Variants in PRSS23 observed in about 807,000 individuals in gnomAD.
PRSS23 encodes protease, serine 23.
Under a neutral mutation model 34.7 loss-of-function variants are expected in PRSS23, and 25 were observed. The observed-to-expected ratio is 0.72, with a 90% CI of 0.53 to 1.01. PRSS23 has a LOEUF of 1.01. PRSS23 is among the 50% of genes least tolerant of loss of function. The probability of loss-of-function intolerance (pLI) is 0.00; values close to 1 mark genes in which losing one functional copy is unlikely to be tolerated. For missense variants in PRSS23, 445 were observed against 475.6 expected (o/e 0.94, Z 0.60); for synonymous variants, 176 against 186.6 (o/e 0.94, Z 0.46).
rs77630728 is a variant in PRSS23 at position 86,829,113 on chromosome 11, C to T, written c.206+5520C>T. Among the ~76,000 whole-genome samples the T allele has an allele frequency of 1.2e-4, 18 of 152,310 alleles. 1 individual carries two copies. The highest frequency in any genetic ancestry group is 3.1e-4 in the African/African-American group (13 of 41,556). On this transcript the variant is annotated intron_variant, in intron 2 of 2. Transcript: ENST00000533902. ...TTTTCCAACTTGGTTCCATTCTCCC[C>T]GTCACTTTCAGGTACACCAGTCAGA...
In PRSS23 at chr11:86,807,741, C is replaced by A; in HGVS notation, c.98C>A (p.Pro33His). Residue 33 changes from proline to histidine, a missense_variant, in exon 2 of 2, where the codon CCT becomes CAT. By Grantham distance (77) the Pro-to-His change is moderately conservative (BLOSUM62 -2). Coordinates refer to ENST00000280258, the MANE Select transcript of PRSS23 (RefSeq NM_007173.6). ...PYSAPWKPTW[P>H]AYRLPVVLPQ... is the part of the protein sequence containing the mutation. ...AGTGCCCCCTGGAAACCCACTTGGCCTGCATACCGCCTCCCTGTCGTCTTG... is the reference window on the plus strand; with the variant it reads ...AGTGCCCCCTGGAAACCCACTTGGCATGCATACCGCCTCCCTGTCGTCTTG... The A allele has an allele frequency of 6.2e-7, 1 of 1,614,128 alleles. No homozygotes were observed.
At chr11:86,815,152 G>A (rs1056294499), downstream of PRSS23, among the ~76,000 whole-genome samples, 11 of 152,178 alleles carry the variant, frequency 7.2e-5, no homozygotes, top group South Asian at 2.1e-4. Flanking sequence ...AGCAGCAGCC[G>A]TGGGAACAGC....
chr11:86,951,848 G>A, exon 3 of PRSS23: 1 of 1,613,562 alleles, frequency 6.2e-7, no homozygotes, highest in Non-Finnish European at 8.5e-7. Context: ...GAAAATTATT[G>A]CACATCCTGT....
chr11:86,836,775 T>G (rs945357187), intron 2 of PRSS23: 3 of 152,208 alleles, frequency 2.0e-5, no homozygotes, highest in African/African-American at 7.2e-5. Flanking sequence ...CAGGGCTCTG[T>G]GAGGGTGATG....
chr11:86,868,012 C>T (rs536507052), intron 2 of PRSS23, among the ~76,000 whole-genome samples: 1 of 152,218 alleles, frequency 6.6e-6, no homozygotes, highest in East Asian at 1.9e-4. Flanking sequence ...CCTCAGGGAC[C>T]CCACTACAGC....
intron 2 of PRSS23, among the ~76,000 whole-genome samples, chr11:86,855,912 CA>C (rs1359227021): frequency 2.0e-5 from 3 of 152,188 alleles, no homozygotes; most frequent in African/African-American, 7.2e-5. Flanking sequence ...ATTTCTGCTG[CA>C]GTGGAGAGGA....
chr11:86,889,438 C>A (rs1230210583), intron 2 of PRSS23, among the ~76,000 whole-genome samples: 1 of 152,178 alleles, frequency 6.6e-6, no homozygotes, highest in Non-Finnish European at 1.5e-5. Context: ...TGGTGTCTTG[C>A]AAGAATGTGG....
chr11:86,879,461 C>T (rs1381643139), intron 2 of PRSS23, among the ~76,000 whole-genome samples: 10 of 147,478 alleles, frequency 6.8e-5, no homozygotes, highest in Non-Finnish European at 1.4e-4. Flanking sequence ...TGGGGGTCAG[C>T]CCCCGCCAGG....
chr11:86,808,621 G>C lies in PRSS23; in HGVS notation c.978G>C (p.Lys326Asn), dbSNP rs779750713. 6 of 1,614,208 alleles carry C rather than the reference G, an allele frequency of 3.7e-6. No individual in the cohort carries two copies. The South Asian group carries it at 5.5e-5, about 15-fold the overall frequency. Reference sequence around the variant, plus strand: ...CTGGGGTCTATGTGAGGATGTGGAAGAGACAGCAGCAGAAGTGGGAGCGAA... The same window carrying C: ...CTGGGGTCTATGTGAGGATGTGGAACAGACAGCAGCAGAAGTGGGAGCGAA... ...SGSGVYVRMW[K>N]RQQQKWERKI... Residue 326 changes from lysine to asparagine, a missense_variant, in exon 2 of 2, where the codon AAG (lysine) becomes AAC (asparagine). Coordinates refer to ENST00000280258, the MANE Select transcript of PRSS23 (RefSeq NM_007173.6).
At chr11:86,901,657 T>C (rs533456304) in intron 2 of PRSS23, among the ~76,000 whole-genome samples, 1 of 152,246 alleles carries the variant, frequency 6.6e-6, no homozygotes, top group South Asian at 2.1e-4. Flanking sequence ...CACCTACATA[T>C]ATAGTCATAC....
At chr11:86,894,889 T>C (rs917010432) in intron 2 of PRSS23, among the ~76,000 whole-genome samples, 1 of 152,212 alleles carries the variant, frequency 6.6e-6, no homozygotes, top group Non-Finnish European at 1.5e-5. Context: ...TTAATGCTCA[T>C]AGCTTCTAGT....
At chr11:86,882,245 T>A (rs1948776541) in intron 2 of PRSS23, among the ~76,000 whole-genome samples, 1 of 152,278 alleles carries the variant, frequency 6.6e-6, no homozygotes, top group African/African-American at 2.4e-5. Context: ...GTGCAGGATG[T>A]GTAGGTTTGT....
At chr11:86,835,041 T>C (rs575095186) in intron 2 of PRSS23, among the ~76,000 whole-genome samples, 1 of 152,232 alleles carries the variant, frequency 6.6e-6, no homozygotes, top group East Asian at 1.9e-4. Context: ...CAATTACTTG[T>C]TGACAGTTAT....
At chr11:86,829,520 G>A (rs563836688) in intron 2 of PRSS23, among the ~76,000 whole-genome samples, 14 of 152,280 alleles carry the variant, frequency 9.2e-5, no homozygotes, top group South Asian at 6.2e-4. Context: ...GCTTTGTTCC[G>A]TTGCTGGTGA....
chr11:86,800,403 G>A (rs914764057), upstream of PRSS23: 42 of 967,570 alleles, frequency 4.3e-5, no homozygotes, highest in African/African-American at 6.0e-4. Context: ...CGAGCGGCGA[G>A]GGGAGGGGGG....
At chr11:86,820,564 A>G (rs976577369) in intron 1 of PRSS23, among the ~76,000 whole-genome samples, 1 of 152,220 alleles carries the variant, frequency 6.6e-6, no homozygotes, top group Non-Finnish European at 1.5e-5. Context: ...TAGCACAGTA[A>G]AATTATTTAA....
Position 86,808,339 on chromosome 11 carries a change from T to G in PRSS23, c.696T>G (p.Gly232=). The part of the protein sequence containing the change: ...IRVKRTHVPK[G]WIKGNANDIG... ...TGAAACGCACCCATGTGCCCAAGGG[T>G]TGGATCAAGGGCAATGCCAATGACA... Residue 232 remains glycine (G), a synonymous_variant, in exon 2 of 2, where the codon GGT becomes GGG. Coordinates refer to ENST00000280258, the MANE Select transcript of PRSS23 (RefSeq NM_007173.6). The G allele has an allele frequency of 6.2e-7, 1 of 1,614,088 alleles. No individual in the cohort carries two copies. Among genetic ancestry groups the G allele is most frequent in the African/African-American group, 1.3e-5 (1 of 75,038 alleles).
intron 2 of PRSS23, among the ~76,000 whole-genome samples, chr11:86,863,398 T>C (rs1948628894): frequency 7.3e-6 from 1 of 137,274 alleles, no homozygotes; most frequent in African/African-American, 2.6e-5. Context: ...TTCTAGTCCC[T>C]TCATGGCACC....
At chr11:86,824,341 A>G (rs1315435396) in intron 2 of PRSS23, among the ~76,000 whole-genome samples, 1 of 146,866 alleles carries the variant, frequency 6.8e-6, no homozygotes, top group Non-Finnish European at 1.5e-5. Flanking sequence ...AAAATAAAAT[A>G]AAATAAAATA....
Sources: gnomAD v4.1 joint callset for allele counts (sites outside exome capture counted in the v4.1 genomes callset) on GRCh38, gnomAD v4.1.1 for gene constraint, MANE v1.5 for transcripts, NCBI Gene and HGNC (gene_info 2026-07-23, HGNC 2026-07-21) for gene names.